WFDC2: variants seen among roughly 807,000 people sequenced by gnomAD.
The protein encoded by WFDC2 is WAP four-disulfide core domain 2.
A neutral mutation model predicts 12.5 loss-of-function variants in WFDC2; 8 were observed. That is an observed-to-expected ratio of 0.64 (90% CI 0.37 to 1.15). WFDC2 has a LOEUF of 1.15. WFDC2 is among the 50% of genes most tolerant of loss of function. The probability of loss-of-function intolerance (pLI) is 0.01; values close to 1 mark genes in which losing one functional copy is unlikely to be tolerated. For missense variants in WFDC2, 166 were observed against 159.9 expected, an observed-to-expected ratio of 1.04 and a Z score of -0.21; for synonymous variants, 74 against 67.2, an observed-to-expected ratio of 1.10 and a Z score of -0.49.
At chr20:45,480,604 C>T (rs182736686) in intron 3 of WFDC2, among the ~76,000 whole-genome samples, 66 of 152,146 alleles carry the variant, frequency 4.3e-4, no homozygotes, top group Non-Finnish European at 9.0e-4. Context: ...GCAACAAGAG[C>T]GAAACTCCAT....
At chr20:45,475,722 G>A (rs950571540) in intron 2 of WFDC2, among the ~76,000 whole-genome samples, 1 of 152,138 alleles carries the variant, frequency 6.6e-6, no homozygotes, top group African/African-American at 2.4e-5. Context: ...TTCAAGTCTT[G>A]GATATCTTTG....
In WFDC2 at chr20:45,480,110, A is replaced by G; in HGVS notation, c.*1+16A>G. On this transcript the variant is annotated intron_variant, in intron 3 of 3. Transcript: ENST00000372676. ...AATTTCTGAGGTAAGTGAACGGGAA[A>G]GAGAAAGTGCATTGATGGCCAGGTG... 6.2e-7 allele frequency: 1 copy of G among 1,612,610 alleles called. No homozygotes were observed. The highest frequency in any genetic ancestry group is 8.5e-7 in the Non-Finnish European group (1 of 1,178,812).
intron 3 of WFDC2, 52 bp downstream of exon 3, chr20:45,480,146 C>T (rs1251436351): frequency 6.2e-6 from 10 of 1,604,456 alleles, no homozygotes; most frequent in Non-Finnish European, 8.5e-6. Flanking sequence ...TTGTGGGAAA[C>T]AGGAGAAAAC....
At chr20:45,478,024 G>C (rs1991255252) in intron 2 of WFDC2, among the ~76,000 whole-genome samples, 2 of 152,204 alleles carry the variant, frequency 1.3e-5, no homozygotes, top group African/African-American at 4.8e-5. Flanking sequence ...CCAAGCTTGA[G>C]AGTTCCAGGT....
intron 2 of WFDC2, among the ~76,000 whole-genome samples, chr20:45,471,805 A>G (rs1332232360): frequency 1.3e-5 from 2 of 152,182 alleles, no homozygotes; most frequent in African/African-American, 4.8e-5. Context: ...TGAGCCAGGG[A>G]GGCAGCCTGG....
chr20:45,472,546 CTT>C (rs202106064), intron 2 of WFDC2, among the ~76,000 whole-genome samples: 3 of 151,810 alleles, frequency 2.0e-5, no homozygotes, highest in East Asian at 3.9e-4. Context: ...GGTTCCAAGT[CTT>C]TGCTATTGTG....
rs1199685051 is a variant in WFDC2 at position 45,470,896 on chromosome 20, G to A, written c.223+364G>A. Reference sequence around the variant, plus strand: ...TGCGGGAAAGCCCGGAGCCTGGGGCGCTCACCTCTCCTCTTGGAGTCCCTC... The same window carrying A: ...TGCGGGAAAGCCCGGAGCCTGGGGCACTCACCTCTCCTCTTGGAGTCCCTC... On this transcript the variant is annotated intron_variant, in intron 2 of 3. Transcript: ENST00000372676. The surrounding 1 kb of genome is among the most constrained non-coding windows in gnomAD (Gnocchi z 5.4). Among the ~76,000 whole-genome samples the A allele has an allele frequency of 6.6e-6, 1 of 152,156 alleles. No individual in the cohort carries two copies. The highest frequency in any genetic ancestry group is 2.4e-5 in the African/African-American group (1 of 41,444).
chr20:45,476,460 T>G (rs1991234179), intron 2 of WFDC2, among the ~76,000 whole-genome samples: 1 of 152,212 alleles, frequency 6.6e-6, no homozygotes, highest in Admixed American at 6.5e-5. Context: ...GATATGAAAT[T>G]CTGGGTTGAA....
intron 3 of WFDC2, among the ~76,000 whole-genome samples, chr20:45,481,154 T>A (rs1053550253): frequency 8.6e-5 from 13 of 151,840 alleles, no homozygotes; most frequent in Admixed American, 7.9e-4. Flanking sequence ...CTGACCACAG[T>A]ATACCCAGGT....
rs2145500334 is a variant in WFDC2 at position 45,470,273 on chromosome 20, ACTCCTAGGGC to A, written c.80-114_80-105del. 2.2e-6 allele frequency: 3 copies of A among 1,381,460 alleles called. No individual in the cohort carries two copies. Among genetic ancestry groups the A allele is most frequent in the South Asian group, 3.0e-5 (2 of 67,070 alleles). 85.6% of individuals were successfully genotyped at this position (1,381,460 alleles called of 1,614,324 possible). Reference sequence around the variant, plus strand: ...AGGAGTCTCTGGGGGCTGTAAGGGGACTCCTAGGGCCAGAGACTGAGAATTCCTTGGGGTT... The same window carrying A: ...AGGAGTCTCTGGGGGCTGTAAGGGGACAGAGACTGAGAATTCCTTGGGGTT... On this transcript the variant is annotated intron_variant, in intron 1 of 3. Coordinates refer to ENST00000372676, the MANE Select transcript of WFDC2 (RefSeq NM_006103.4). The surrounding 1 kb of genome is among the most constrained non-coding windows in gnomAD (Gnocchi z 5.4).
chr20:45,474,476 C>T (rs750921181), intron 2 of WFDC2, among the ~76,000 whole-genome samples: 6 of 152,104 alleles, frequency 3.9e-5, no homozygotes, highest in Non-Finnish European at 7.3e-5. Context: ...TGATGGATTA[C>T]GTTTATTGAT....
rs75289647 is a variant in WFDC2 at position 45,480,794 on chromosome 20, C to T, written c.*2-577C>T. Among the ~76,000 whole-genome samples the T allele has an allele frequency of 2.6e-3, 392 of 152,164 alleles. 3 individuals carry two copies. Among genetic ancestry groups the T allele is most frequent in the African/African-American group, 9.0e-3 (373 of 41,498 alleles). ...AGAGAGGGGGTGTGCTCTTGGTGCC[C>T]GAGAGGGAACTATGGTTTCTCTAAA... On this transcript the variant is annotated intron_variant, in intron 3 of 3. Coordinates refer to ENST00000372676, the MANE Select transcript of WFDC2 (RefSeq NM_006103.4).
intron 2 of WFDC2, among the ~76,000 whole-genome samples, chr20:45,476,660 C>A (rs1449545703): frequency 6.6e-6 from 1 of 152,150 alleles, no homozygotes; most frequent in East Asian, 1.9e-4. Flanking sequence ...TGGGGTTATT[C>A]TTCTCAAGGA....
At chr20:45,480,343 T>G (rs538809040) in intron 3 of WFDC2, among the ~76,000 whole-genome samples, 55 of 151,792 alleles carry the variant, frequency 3.6e-4, no homozygotes, top group African/African-American at 1.3e-3. Context: ...TGGTGGCTCA[T>G]GCCTATAATC....
intron 2 of WFDC2, chr20:45,471,052 T>TG: frequency 2.2e-6 from 1 of 457,678 alleles, no homozygotes; most frequent in Non-Finnish European, 4.6e-6. Context: ...CTTAAAGATG[T>TG]GTAAGGGAGC....
In WFDC2 at chr20:45,480,113, G is replaced by A; in HGVS notation, c.*1+19G>A. On this transcript the variant is annotated intron_variant, in intron 3 of 3. Coordinates refer to ENST00000372676, the MANE Select transcript of WFDC2 (RefSeq NM_006103.4). ...TTCTGAGGTAAGTGAACGGGAAAGA[G>A]AAAGTGCATTGATGGCCAGGTGTTG... is the stretch of plus-strand genomic sequence containing the variant. 1.2e-6 allele frequency: 2 copies of A among 1,612,272 alleles called. No individual in the cohort carries two copies.
chr20:45,476,002 G>C (rs938068263), intron 2 of WFDC2, among the ~76,000 whole-genome samples: 1 of 151,994 alleles, frequency 6.6e-6, no homozygotes, highest in Non-Finnish European at 1.5e-5. Flanking sequence ...TGCAACCCCT[G>C]ATTTTTTTTT....
At chr20:45,476,723 G>A (rs1167694892) in intron 2 of WFDC2, among the ~76,000 whole-genome samples, 1 of 152,114 alleles carries the variant, frequency 6.6e-6, no homozygotes, top group Non-Finnish European at 1.5e-5. Context: ...GGCCTTTCTT[G>A]CTAGGTTGGG....
intron 2 of WFDC2, chr20:45,471,275 C>T: frequency 2.3e-6 from 1 of 434,122 alleles, no homozygotes; most frequent in South Asian, 1.6e-5. Flanking sequence ...TGGGGACTCT[C>T]TCAAAGGTGC....
Sources: allele counts gnomAD v4.1 joint callset (sites outside exome capture counted in the v4.1 genomes callset), GRCh38; gene constraint gnomAD v4.1.1; non-coding constraint Gnocchi (gnomAD v3.1); transcripts MANE v1.5; gene names NCBI Gene and HGNC (gene_info 2026-07-23, HGNC 2026-07-21).